The following KCNIP4 variants were observed in gnomAD, a reference collection of about 807,000 sequenced individuals.
The protein encoded by KCNIP4 is potassium voltage-gated channel interacting protein 4, also known as Kv channel-interacting protein 4.
KCNIP4 carries 12 observed loss-of-function variants against 34.0 expected under a neutral mutation model. That is an observed-to-expected ratio of 0.35 (90% CI 0.23 to 0.57). The LOEUF (loss-of-function observed/expected upper bound fraction) is 0.57. Ranked by LOEUF, KCNIP4 falls within the 20% of genes least tolerant of loss-of-function variation. KCNIP4 has a pLI of 0.83. For synonymous variants in KCNIP4, 124 were observed against 102.2 expected (o/e 1.21, Z -1.29); for missense variants, 238 against 311.7 (o/e 0.76, Z 1.78).
chr4:21,184,388 C>T (rs1408749600), intron 1 of KCNIP4, among the ~76,000 whole-genome samples: 2 of 152,048 alleles, frequency 1.3e-5, no homozygotes, highest in Admixed American at 6.6e-5. Flanking sequence ...TAGTGTTTTG[C>T]AATAGCAGAT....
intron 1 of KCNIP4, among the ~76,000 whole-genome samples, chr4:21,021,854 A>AGTATC (rs575198217): frequency 0.03 from 4,012 of 134,242 alleles, 74 homozygotes; most frequent in Middle Eastern, 0.042. Flanking sequence ...TGAAAAGTAT[A>AGTATC]GTATCGTATA....
intron 1 of KCNIP4, among the ~76,000 whole-genome samples, chr4:21,483,468 GAT>G (rs1484524303): frequency 6.8e-6 from 1 of 147,960 alleles, no homozygotes; most frequent in Middle Eastern, 3.5e-3. Flanking sequence ...CTGTTCTCAC[GAT>G]AGAGTTCTCA....
At chr4:20,772,657 T>C (rs1295085006) in intron 3 of KCNIP4, among the ~76,000 whole-genome samples, 1 of 152,064 alleles carries the variant, frequency 6.6e-6, no homozygotes, top group East Asian at 1.9e-4. Context: ...TTCTTTTTTT[T>C]TTCTTCCGAG....
At chr4:21,696,413 TGA>T (rs1158984851) in intron 1 of KCNIP4, among the ~76,000 whole-genome samples, 3 of 152,138 alleles carry the variant, frequency 2.0e-5, no homozygotes, top group Non-Finnish European at 4.4e-5. Flanking sequence ...TTACAGTGTG[TGA>T]GTTTCTTTAC....
intron 1 of KCNIP4, among the ~76,000 whole-genome samples, chr4:21,295,054 A>T (rs1239134974): frequency 1.3e-5 from 2 of 152,138 alleles, no homozygotes; most frequent in Non-Finnish European, 2.9e-5. Flanking sequence ...TCCTATTAAG[A>T]CAATTAACAT....
At position 20,756,332 on chromosome 4, in the gene KCNIP4, C is replaced by T. The variant is rs538065425; in HGVS notation, c.358+2489G>A. ...AGATAAAACCTTCTTCCTGAACTCC[C>T]GATTCATGGACTCCACTATCCCATC... On this transcript the variant is annotated intron_variant, in intron 4 of 8. Transcript: ENST00000382152. Among the ~76,000 whole-genome samples the T allele has an allele frequency of 9.9e-5, 15 of 152,234 alleles. No homozygotes were observed. In the South Asian group the frequency reaches 2.9e-3, roughly 29 times the overall value.
At chr4:21,092,806 G>A (rs567804780) in intron 1 of KCNIP4, among the ~76,000 whole-genome samples, 10 of 152,292 alleles carry the variant, frequency 6.6e-5, no homozygotes, top group Non-Finnish European at 1.2e-4. Context: ...AGAACTCACC[G>A]GCTTGCAGCC....
At chr4:21,941,040 G>C (rs1174179794) in intron 1 of KCNIP4, among the ~76,000 whole-genome samples, 1 of 152,086 alleles carries the variant, frequency 6.6e-6, no homozygotes, top group East Asian at 1.9e-4. Context: ...ATTTTTTAAA[G>C]TAGTTTCTCA....
At chr4:21,674,764 C>A (rs890374374) in intron 1 of KCNIP4, among the ~76,000 whole-genome samples, 6 of 152,122 alleles carry the variant, frequency 3.9e-5, no homozygotes, top group African/African-American at 1.4e-4. Context: ...CCTCAATCAT[C>A]TGTGGATCCC....
chr4:21,048,786 G>C (rs886591525), intron 1 of KCNIP4, among the ~76,000 whole-genome samples: 1 of 152,024 alleles, frequency 6.6e-6, no homozygotes, highest in Non-Finnish European at 1.5e-5. Flanking sequence ...GCTAACTGTA[G>C]GCCTAGCTTG....
chr4:21,108,676 GC>G (rs1179138173), intron 1 of KCNIP4, among the ~76,000 whole-genome samples: 6 of 151,688 alleles, frequency 4.0e-5, no homozygotes, highest in Admixed American at 2.0e-4. Context: ...GAGGCACTCT[GC>G]TTTTTAGAGT....
chr4:20,819,840 G>A (rs1355931949), intron 3 of KCNIP4, among the ~76,000 whole-genome samples: 1 of 152,154 alleles, frequency 6.6e-6, no homozygotes, highest in African/African-American at 2.4e-5. Context: ...GTGCCGCCTT[G>A]GAAGCAGAGA....
intron 3 of KCNIP4, among the ~76,000 whole-genome samples, chr4:20,850,071 TGAC>T (rs1720839695): frequency 6.6e-6 from 1 of 152,194 alleles, no homozygotes; most frequent in Non-Finnish European, 1.5e-5. Flanking sequence ...GGTACAGTGA[TGAC>T]CTACAGACAC....
intron 1 of KCNIP4, among the ~76,000 whole-genome samples, chr4:21,832,052 A>G (rs1393074863): frequency 1.3e-5 from 2 of 152,170 alleles, no homozygotes; most frequent in African/African-American, 4.8e-5. Flanking sequence ...ACAATCAAGT[A>G]AAATTTATCC....
At chr4:20,930,169 G>A (rs1730309237) in intron 1 of KCNIP4, among the ~76,000 whole-genome samples, 1 of 151,912 alleles carries the variant, frequency 6.6e-6, no homozygotes, top group Admixed American at 6.6e-5. Flanking sequence ...CAAATGGCAT[G>A]AAAACGAAAA....
intron 1 of KCNIP4, among the ~76,000 whole-genome samples, chr4:20,904,077 C>T (rs1560557448): frequency 2.0e-5 from 3 of 152,018 alleles, no homozygotes; most frequent in Admixed American, 6.6e-5. Flanking sequence ...GTTAGAATTC[C>T]ATCATTCTTT....
chr4:21,677,304 T>C (rs1749988938), intron 1 of KCNIP4, among the ~76,000 whole-genome samples: 1 of 152,162 alleles, frequency 6.6e-6, no homozygotes, highest in Admixed American at 6.5e-5. Context: ...AAAGGGTATA[T>C]AATTAGAATA....
At chr4:21,224,589 T>G (rs1758229525) in intron 1 of KCNIP4, among the ~76,000 whole-genome samples, 1 of 134,612 alleles carries the variant, frequency 7.4e-6, no homozygotes, top group Admixed American at 7.3e-5. Context: ...TTTTTTTTTT[T>G]TTTTTTTTTT....
At chr4:21,060,910 C>T (rs1311318007) in intron 1 of KCNIP4, among the ~76,000 whole-genome samples, 3 of 152,052 alleles carry the variant, frequency 2.0e-5, no homozygotes, top group Non-Finnish European at 4.4e-5. Flanking sequence ...ATATTGAAAG[C>T]GTGTGGTTGA....
Sources: gnomAD v4.1 joint callset for allele counts (sites outside exome capture counted in the v4.1 genomes callset) on GRCh38, gnomAD v4.1.1 for gene constraint, MANE v1.5 for transcripts, NCBI Gene and HGNC (gene_info 2026-07-23, HGNC 2026-07-21) for gene names.